COL26A1: variants seen among roughly 807,000 people sequenced by gnomAD.
COL26A1 encodes collagen type XXVI alpha 1 chain.
In COL26A1, 41 loss-of-function variants were observed where a neutral mutation model predicts 59.3. The observed-to-expected ratio is 0.69, with a 90% CI of 0.54 to 0.90. The LOEUF is 0.90. Ranked by LOEUF, COL26A1 falls within the 40% of genes least tolerant of loss-of-function variation. COL26A1 has a pLI of 0.00. For missense variants in COL26A1, 612 were observed against 602.3 expected (o/e 1.02, Z -0.17); for synonymous variants, 266 against 256.0 (o/e 1.04, Z -0.37).
rs570150415 is a variant in COL26A1 at position 101,376,088 on chromosome 7, C to T, written c.158+12898C>T. On this transcript the variant is annotated intron_variant, in intron 1 of 12. Coordinates refer to ENST00000313669, the MANE Select transcript of COL26A1 (RefSeq NM_001278563.3). The stretch of plus-strand genomic sequence containing the variant: ...GGCTGAGGTGGGAGGATCACTTGAG[C>T]CCAGAAGCATGAGCCCAGCCTTGGC... Among the ~76,000 whole-genome samples, 4 of 150,570 alleles carry T rather than the reference C, an allele frequency of 2.7e-5. No individual in the cohort carries two copies. The South Asian group carries it at 8.4e-4, about 32-fold the overall frequency.
intron 3 of COL26A1, among the ~76,000 whole-genome samples, chr7:101,507,814 C>T (rs920487700): frequency 7.9e-5 from 12 of 152,066 alleles, no homozygotes; most frequent in Admixed American, 2.0e-4. Flanking sequence ...AAACATTCCC[C>T]TTCCCTGTTT....
chr7:101,379,195 C>T lies in COL26A1; in HGVS notation c.158+16005C>T, dbSNP rs1314762213. Among the ~76,000 whole-genome samples, 4 of 152,118 alleles carry T rather than the reference C, an allele frequency of 2.6e-5. No homozygotes were observed. The South Asian group carries it at 6.2e-4, about 24-fold the overall frequency. On this transcript the variant is annotated intron_variant, in intron 1 of 12. Coordinates refer to ENST00000313669, the MANE Select transcript of COL26A1 (RefSeq NM_001278563.3). ...GGCTCCAAGAAGTCTTGGCCTGCCC[C>T]GGGCACCCATTTCTGCCGTGATGTG...
At chr7:101,515,811 A>C (rs1795016872) in intron 3 of COL26A1, among the ~76,000 whole-genome samples, 1 of 151,656 alleles carries the variant, frequency 6.6e-6, no homozygotes, top group South Asian at 2.1e-4. Flanking sequence ...CTGGTCTTGA[A>C]CTTCTGGCCT....
At chr7:101,380,624 A>G (rs982759233) in intron 1 of COL26A1, among the ~76,000 whole-genome samples, 1 of 151,970 alleles carries the variant, frequency 6.6e-6, no homozygotes, top group African/African-American at 2.4e-5. Flanking sequence ...TTTCTCACAC[A>G]AGATCTCAGA....
At chr7:101,435,619 A>G (rs1452317364) in intron 2 of COL26A1, among the ~76,000 whole-genome samples, 9 of 151,970 alleles carry the variant, frequency 5.9e-5, no homozygotes, top group Non-Finnish European at 2.9e-5. Context: ...ATTGGGTGTC[A>G]CTGACACCAC....
intron 3 of COL26A1, among the ~76,000 whole-genome samples, chr7:101,449,105 G>C (rs1371909268): frequency 6.6e-6 from 1 of 152,192 alleles, no homozygotes; most frequent in African/African-American, 2.4e-5. Flanking sequence ...GGGGAGGCTG[G>C]GCTATCCTTG....
Position 101,420,085 on chromosome 7 carries a change from C to T in COL26A1, c.267C>T (p.Cys89=), listed in dbSNP as rs574062272. 4.9e-5 allele frequency: 79 copies of T among 1,613,200 alleles called. No homozygotes were observed. In the Middle Eastern group the frequency reaches 5.0e-4, roughly 10 times the overall value. ...VYQSCRWPGP[C]ANLVSYRTLI... ...AGAGCTGCCGGTGGCCGGGGCCCTG[C>T]GCCAACCTCGTAAGGTAAAGGCCGC... is the stretch of plus-strand genomic sequence containing the variant. The change falls in exon 2 of 13, where the codon TGC becomes TGT. Residue 89 remains cysteine, a synonymous_variant. Transcript: ENST00000313669.
chr7:101,544,180 C>G, intron 6 of COL26A1, 84 bp downstream of exon 6: 1 of 1,000,242 alleles, frequency 1.0e-6, no homozygotes, highest in Non-Finnish European at 1.5e-6. Flanking sequence ...GCGAGGTGTC[C>G]CACGCACCCA....
intron 1 of COL26A1, among the ~76,000 whole-genome samples, chr7:101,367,800 G>C (rs1791085763): frequency 6.6e-6 from 1 of 152,168 alleles, no homozygotes; most frequent in Non-Finnish European, 1.5e-5. Context: ...GAATCTGCCA[G>C]CACCTTGATC....
chr7:101,551,203 C>T, intron 10 of COL26A1, 60 bp downstream of exon 10: 1 of 1,406,452 alleles, frequency 7.1e-7, no homozygotes, highest in Non-Finnish European at 9.8e-7. Context: ...CTGATGCAAG[C>T]CCAGGGCACT....
At chr7:101,507,812 C>G (rs952327551) in intron 3 of COL26A1, among the ~76,000 whole-genome samples, 4 of 152,004 alleles carry the variant, frequency 2.6e-5, no homozygotes, top group African/African-American at 9.7e-5. Flanking sequence ...CTAAACATTC[C>G]CCTTCCCTGT....
chr7:101,399,454 G>A (rs1356058798), intron 1 of COL26A1, among the ~76,000 whole-genome samples: 1 of 152,096 alleles, frequency 6.6e-6, no homozygotes, highest in African/African-American at 2.4e-5. Flanking sequence ...CTCCTGAGTA[G>A]CTAGGATTAC....
intron 7 of COL26A1, among the ~76,000 whole-genome samples, chr7:101,546,362 GTAGC>G (rs1424818345): frequency 6.6e-6 from 1 of 151,896 alleles, no homozygotes; most frequent in Non-Finnish European, 1.5e-5. Flanking sequence ...AGCCTCCTGA[GTAGC>G]TAGGACCCTA....
rs1464107570 is a variant in COL26A1, at chr7:101,558,353, C to T, written c.*823C>T. The T allele has an allele frequency of 6.6e-6, 1 of 152,336 alleles. No individual in the cohort carries two copies. Among genetic ancestry groups the T allele is most frequent in the African/African-American group, 2.4e-5 (1 of 41,474 alleles). 9.4% of individuals were successfully genotyped at this position (152,336 alleles called of 1,614,324 possible). ...CCAGATAGGCATCCCTGGCCACTGC[C>T]TCCCAGTCTTGCTGAGCCCACCCGC... On this transcript the variant is annotated 3_prime_UTR_variant, in exon 13 of 13. Coordinates refer to ENST00000313669, the MANE Select transcript of COL26A1 (RefSeq NM_001278563.3).
intron 2 of COL26A1, among the ~76,000 whole-genome samples, chr7:101,440,505 C>A (rs1337690584): frequency 6.6e-6 from 1 of 152,144 alleles, no homozygotes. Flanking sequence ...AAATGTGGAA[C>A]CTGTCTTGGG....
At position 101,545,268 on chromosome 7, in the gene COL26A1, C is replaced by A. The variant is rs556668297; in HGVS notation, c.704-70C>A. 126 of 1,419,880 alleles carry A rather than the reference C, an allele frequency of 8.9e-5. No homozygotes were observed. The Admixed American group carries it at 1.4e-3, about 16-fold the overall frequency. 88.0% of individuals were successfully genotyped at this position (1,419,880 alleles called of 1,614,324 possible). A position where few individuals can be genotyped will look rare whatever the true frequency, so the allele number is the denominator to read the frequency against. ...CCTGTTTCTTTCAAGGCCTCAGTTT[C>A]CCCATTTGTAAGTTGCAGCCACCCG... On this transcript the variant is annotated intron_variant, in intron 6 of 12. Transcript: ENST00000313669.
chr7:101,439,168 A>G (rs891752806), intron 2 of COL26A1, among the ~76,000 whole-genome samples: 1 of 152,086 alleles, frequency 6.6e-6, no homozygotes, highest in Non-Finnish European at 1.5e-5. Flanking sequence ...AATACCCAGG[A>G]AAAGCCTCAG....
At chr7:101,510,583 C>T (rs377700600) in intron 3 of COL26A1, among the ~76,000 whole-genome samples, 1 of 152,186 alleles carries the variant, frequency 6.6e-6, no homozygotes, top group Non-Finnish European at 1.5e-5. Flanking sequence ...GTCAGGCTCA[C>T]TGCAGCCTCA....
chr7:101,411,982 G>A (rs888513078), intron 1 of COL26A1, among the ~76,000 whole-genome samples: 3 of 152,114 alleles, frequency 2.0e-5, no homozygotes, highest in Admixed American at 2.0e-4. Context: ...CTCTGACTCA[G>A]GCTCGGGACT....
Sources: allele counts gnomAD v4.1 joint callset (sites outside exome capture counted in the v4.1 genomes callset), GRCh38; gene constraint gnomAD v4.1.1; transcripts MANE v1.5; gene names NCBI Gene and HGNC (gene_info 2026-07-23, HGNC 2026-07-21).